The following PILRB variants were observed in gnomAD, a reference collection of about 807,000 sequenced individuals.
The protein encoded by PILRB is paired immunoglobin like type 2 receptor beta.
In PILRB, 21 loss-of-function variants were observed where a neutral mutation model predicts 20.5. The ratio of observed to expected loss-of-function variants is 1.02; its 90% confidence interval spans 0.72 to 1.47. The LOEUF (loss-of-function observed/expected upper bound fraction) is 1.47. PILRB is among the 40% of genes most tolerant of loss of function. The pLI, the probability that PILRB is intolerant of heterozygous loss-of-function variation, is 0.00. For missense variants in PILRB, 253 were observed against 272.1 expected, an observed-to-expected ratio of 0.93 and a Z score of 0.49; for synonymous variants, 133 against 115.1, an observed-to-expected ratio of 1.16 and a Z score of -0.99.
At chr7:100,359,885 T>C (rs1790477553) in intron 3 of PILRB, among the ~76,000 whole-genome samples, 1 of 152,162 alleles carries the variant, frequency 6.6e-6, no homozygotes, top group Non-Finnish European at 1.5e-5. Flanking sequence ...TAGCTGGGCA[T>C]GGTGGCACAC....
chr7:100,362,361 G>A (rs989460514), intron 3 of PILRB, among the ~76,000 whole-genome samples: 4 of 152,128 alleles, frequency 2.6e-5, no homozygotes, highest in African/African-American at 7.2e-5. Flanking sequence ...AGGACTGTAC[G>A]CCATGACCAA....
rs769789096 is a variant in PILRB at position 100,358,681 on chromosome 7, T to C, written c.65-9T>C. 49 of 1,611,558 alleles carry C rather than the reference T, an allele frequency of 3.0e-5. No homozygotes were observed. The highest frequency in any genetic ancestry group is 1.6e-4 in the Middle Eastern group (1 of 6,074). On this transcript the variant is annotated splice_polypyrimidine_tract_variant and intron_variant, in intron 1 of 3. Coordinates refer to ENST00000609309, the MANE Select transcript of PILRB (RefSeq NM_178238.4). Reference sequence around the variant, plus strand: ...GGTCTCTCCCCCACTCACTCCCTCCTTCCTCTAGGTGGCTCCACAGGATCT... The same window carrying C: ...GGTCTCTCCCCCACTCACTCCCTCCCTCCTCTAGGTGGCTCCACAGGATCT...
intron 3 of PILRB, 150 bp downstream of exon 3, chr7:100,359,687 G>A: frequency 1.5e-6 from 1 of 679,280 alleles, no homozygotes; most frequent in South Asian, 1.8e-5. Flanking sequence ...TGGGGCGTCT[G>A]CATCTCGGGG....
chr7:100,361,482 A>C (rs1400659645), intron 3 of PILRB, among the ~76,000 whole-genome samples: 1 of 152,166 alleles, frequency 6.6e-6, no homozygotes, highest in Non-Finnish European at 1.5e-5. Flanking sequence ...ACCTGAGGTC[A>C]GGCGTTCAAG....
chr7:100,363,257 A>G (rs1790583747), intron 3 of PILRB, among the ~76,000 whole-genome samples: 1 of 152,210 alleles, frequency 6.6e-6, no homozygotes, highest in African/African-American at 2.4e-5. Flanking sequence ...GCAGGTGACA[A>G]GATCTCATAT....
chr7:100,366,437 T>C (rs1359461637), intron 3 of PILRB, among the ~76,000 whole-genome samples: 2 of 151,820 alleles, frequency 1.3e-5, no homozygotes, highest in Admixed American at 1.3e-4. Context: ...CGTGGAGCCC[T>C]CCCAGGAGGG....
chr7:100,358,249 C>G lies in PILRB; in HGVS notation c.-54C>G, dbSNP rs1490665649. On this transcript the variant is annotated 5_prime_UTR_variant, in exon 1 of 4. Coordinates refer to ENST00000609309, the MANE Select transcript of PILRB (RefSeq NM_178238.4). The stretch of plus-strand genomic sequence containing the variant: ...CAGGCAGCCCCTCCACAGGGCCCCT[C>G]TCCTGCCTGGACAGCTCTGCTGGTC... 3 of 1,606,258 alleles carry G rather than the reference C, an allele frequency of 1.9e-6. No individual in the cohort carries two copies. Among genetic ancestry groups the G allele is most frequent in the East Asian group, 4.5e-5 (2 of 44,846 alleles).
Position 100,359,020 on chromosome 7 carries a change from G to A in PILRB, c.395G>A (p.Arg132Gln), listed in dbSNP as rs1201794415. 23 of 1,614,116 alleles carry A rather than the reference G, an allele frequency of 1.4e-5. No individual in the cohort carries two copies. Among genetic ancestry groups the A allele is most frequent in the Admixed American group, 3.3e-5 (2 of 60,004 alleles). ...VYFCRVELDT[R>Q]RSGRQQLQSI... ...TTCTGCCGAGTCGAGCTGGACACCC[G>A]GAGATCAGGGAGGCAGCAGTTGCAG... Residue 132 changes from arginine (R) to glutamine (Q), a missense_variant, in exon 2 of 4, where the codon CGG becomes CAG. Coordinates refer to ENST00000609309, the MANE Select transcript of PILRB (RefSeq NM_178238.4).
chr7:100,366,919 G>C (rs1346113492), intron 3 of PILRB, among the ~76,000 whole-genome samples: 1 of 152,136 alleles, frequency 6.6e-6, no homozygotes, highest in African/African-American at 2.4e-5. Flanking sequence ...CAGGTCGGGG[G>C]GGAGCCTCAG....
intron 3 of PILRB, among the ~76,000 whole-genome samples, chr7:100,364,722 A>G (rs182640756): frequency 1.6e-3 from 242 of 152,360 alleles, no homozygotes; most frequent in Non-Finnish European, 2.8e-3. Context: ...ACCAATTGAA[A>G]GCAGGGTCAG....
rs1347995787 is a variant in PILRB at position 100,358,129 on chromosome 7, G to A, written c.-174G>A. ...AAGCCAGATGGATAAAGGAAGTGCT[G>A]GTCACCCTGGAGGTGTACTGGTTTG... On this transcript the variant is annotated 5_prime_UTR_variant, in exon 1 of 4. Coordinates refer to ENST00000609309, the MANE Select transcript of PILRB (RefSeq NM_178238.4). 1.3e-4 allele frequency: 83 copies of A among 657,224 alleles called. No homozygotes were observed. Among genetic ancestry groups the A allele is most frequent in the Non-Finnish European group, 1.9e-4 (73 of 376,262 alleles). 40.7% of individuals were successfully genotyped at this position (657,224 alleles called of 1,614,324 possible).
At chr7:100,358,459 GGCTCCCACCTCCA>G in intron 1 of PILRB, 93 bp downstream of exon 1, 1 of 1,478,354 alleles carries the variant, frequency 6.8e-7, no homozygotes, top group Non-Finnish European at 9.2e-7. Context: ...GCAGGGGCCA[GGCTCCCACCTCCA>G]GCAAACAAGG....
intron 3 of PILRB, among the ~76,000 whole-genome samples, chr7:100,360,686 A>G (rs996150403): frequency 9.8e-5 from 15 of 152,320 alleles, no homozygotes; most frequent in South Asian, 6.2e-4. Context: ...GAGGTGGGCC[A>G]GGCTGGGTCA....
Position 100,358,280 on chromosome 7 carries a change from G to A in PILRB, c.-23G>A, listed in dbSNP as rs202213596. On this transcript the variant is annotated 5_prime_UTR_variant, in exon 1 of 4. Transcript: ENST00000609309. ...CCTGGACAGCTCTGCTGGTCTCCCC[G>A]TCCCCTGGAGAAGAACAAGGCCATG... The A allele has an allele frequency of 3.0e-4, 485 of 1,611,766 alleles. No homozygotes were observed. Among genetic ancestry groups the A allele is most frequent in the African/African-American group, 2.7e-3 (204 of 75,000 alleles).
intron 3 of PILRB, among the ~76,000 whole-genome samples, chr7:100,363,799 G>A (rs1274177363): frequency 6.6e-6 from 1 of 152,088 alleles, no homozygotes; most frequent in African/African-American, 2.4e-5. Flanking sequence ...TAATCAAAAC[G>A]ATGTGGTACT....
chr7:100,361,641 C>T (rs570923605), intron 3 of PILRB, among the ~76,000 whole-genome samples: 18 of 152,186 alleles, frequency 1.2e-4, no homozygotes, highest in African/African-American at 3.6e-4. Context: ...TGCAGTGAGC[C>T]GAGATGGTGA....
At chr7:100,362,418 T>G (rs540078973) in intron 3 of PILRB, among the ~76,000 whole-genome samples, 1 of 152,194 alleles carries the variant, frequency 6.6e-6, no homozygotes, top group South Asian at 2.1e-4. Flanking sequence ...ACAGGAAAAT[T>G]AATGTAGTGC....
At chr7:100,364,949 G>A (rs1197767700) in intron 3 of PILRB, among the ~76,000 whole-genome samples, 1 of 151,416 alleles carries the variant, frequency 6.6e-6, no homozygotes, top group African/African-American at 2.4e-5. Flanking sequence ...ATAAGATCCT[G>A]TCTATTAAAA....
In PILRB at chr7:100,358,728, G is replaced by A. The variant is rs187902755; in HGVS notation, c.103G>A (p.Val35Ile). Residue 35 changes from valine to isoleucine, a missense_variant, in exon 2 of 4, where the codon GTC (valine) becomes ATC (isoleucine). By Grantham distance (29) the Val-to-Ile change is conservative. Transcript: ENST00000609309. ...TGSGPSYLYGVTQPKHLSASM... is the reference protein window; with the variant it reads ...TGSGPSYLYGITQPKHLSASM... ...ATCTGGTCCAAGCTACCTTTATGGG[G>A]TCACTCAACCAAAACACCTCTCAGC... The A allele has an allele frequency of 7.4e-6, 12 of 1,614,012 alleles. No individual in the cohort carries two copies. Among genetic ancestry groups the A allele is most frequent in the African/African-American group, 1.3e-5 (1 of 74,982 alleles).
Sources: gnomAD v4.1 joint callset for allele counts (sites outside exome capture counted in the v4.1 genomes callset) on GRCh38, gnomAD v4.1.1 for gene constraint, MANE v1.5 for transcripts, NCBI Gene and HGNC (gene_info 2026-07-23, HGNC 2026-07-21) for gene names.